SRRM3: variants seen among roughly 807,000 people sequenced by gnomAD.
The protein encoded by SRRM3 is serine/arginine repetitive matrix protein 3.
SRRM3 carries 27 observed loss-of-function variants against 66.2 expected under a neutral mutation model. The ratio of observed to expected loss-of-function variants is 0.41; its 90% CI spans 0.30 to 0.56. The LOEUF is 0.56. Ranked by LOEUF, SRRM3 falls within the 20% of genes least tolerant of loss-of-function variation. The probability of loss-of-function intolerance (pLI) is 0.32; values close to 1 mark genes in which losing one functional copy is unlikely to be tolerated. For missense variants in SRRM3, 918 were observed against 991.9 expected, an observed-to-expected ratio of 0.93 and a Z score of 1.00; for synonymous variants, 391 against 414.9, an observed-to-expected ratio of 0.94 and a Z score of 0.70.
chr7:76,237,431 C>T (rs1193288001), intron 2 of SRRM3, among the ~76,000 whole-genome samples: 2 of 151,850 alleles, frequency 1.3e-5, no homozygotes, highest in Non-Finnish European at 2.9e-5. Context: ...ATAAATTAGC[C>T]AGGCATGGTG....
At chr7:76,259,501 C>T (rs148711024) in intron 3 of SRRM3, among the ~76,000 whole-genome samples, 65 of 151,554 alleles carry the variant, frequency 4.3e-4, no homozygotes, top group Non-Finnish European at 6.9e-4. Context: ...CGCTTGGGCC[C>T]AGAAGTTCAA....
At chr7:76,266,354 T>C (rs1432754309) in intron 10 of SRRM3, among the ~76,000 whole-genome samples, 2 of 116,056 alleles carry the variant, frequency 1.7e-5, no homozygotes, top group African/African-American at 3.6e-5. Context: ...ATATAAATAT[T>C]AATGTATATT....
intron 10 of SRRM3, among the ~76,000 whole-genome samples, chr7:76,266,679 T>A (rs1309586238): frequency 4.4e-5 from 6 of 135,580 alleles, no homozygotes; most frequent in African/African-American, 1.7e-4. Context: ...TTTATATATA[T>A]AATATATATT....
chr7:76,256,077 CTG>C (rs1554607653), intron 3 of SRRM3, among the ~76,000 whole-genome samples: 1 of 152,144 alleles, frequency 6.6e-6, no homozygotes, highest in African/African-American at 2.4e-5. Context: ...AAACCTGTCT[CTG>C]TGAATCTGTT....
intron 3 of SRRM3, among the ~76,000 whole-genome samples, chr7:76,251,524 G>A (rs542847765): frequency 2.0e-5 from 3 of 152,108 alleles, no homozygotes; most frequent in Admixed American, 6.6e-5. Context: ...ACAGGCGCAC[G>A]CTGCCACGCC....
Position 76,285,382 on chromosome 7 carries a change from C to A in SRRM3, c.1734-233C>A. On this transcript the variant is annotated intron_variant, in intron 14 of 14. Coordinates refer to ENST00000611745, the MANE Select transcript of SRRM3 (RefSeq NM_001110199.3). This position sits in a 1 kb window ranked among gnomAD's most constrained non-coding sequence, Gnocchi z 4.1. ...CCCAGCCTCAACAAGTATTTATTAG[C>A]AGGTGTTCGGATCGGGCAGAGACAT... The A allele has an allele frequency of 1.8e-6, 1 of 559,022 alleles. No homozygotes were observed. Among genetic ancestry groups the A allele is most frequent in the African/African-American group, 1.9e-5 (1 of 52,984 alleles). The allele number at this position is 559,022 out of a possible 1,614,324, so 34.6% of individuals were successfully genotyped here. A position where few individuals can be genotyped will look rare whatever the true frequency, so the allele number is the denominator to read the frequency against.
At position 76,253,626 on chromosome 7, in the gene SRRM3, A is replaced by T. The variant is rs149301987; in HGVS notation, c.335+5337A>T. On this transcript the variant is annotated intron_variant, in intron 3 of 14. Coordinates refer to ENST00000611745, the MANE Select transcript of SRRM3 (RefSeq NM_001110199.3). ...ACAGAGCGACACTCCGTCTCAAAAA[A>T]ATTAAAAAAATAAAATAAAAATAAA... Among the ~76,000 whole-genome samples the T allele has an allele frequency of 1.4e-3, 214 of 151,770 alleles. 5 individuals are homozygous for T. The East Asian group carries it at 0.032, about 23-fold the overall frequency.
At chr7:76,210,508 T>C (rs886705088) in intron 1 of SRRM3, among the ~76,000 whole-genome samples, 1 of 152,196 alleles carries the variant, frequency 6.6e-6, no homozygotes, top group Admixed American at 6.5e-5. Flanking sequence ...CACACAGCAG[T>C]AGCTCTTCCC....
chr7:76,271,695 C>G (rs1554610539), intron 11 of SRRM3, among the ~76,000 whole-genome samples: 1 of 152,128 alleles, frequency 6.6e-6, no homozygotes, highest in Non-Finnish European at 1.5e-5. Context: ...TGACTCTGAC[C>G]TCTAGACTCC....
intron 11 of SRRM3, among the ~76,000 whole-genome samples, chr7:76,278,713 T>C (rs1226349456): frequency 6.6e-6 from 1 of 152,188 alleles, no homozygotes; most frequent in Non-Finnish European, 1.5e-5. Context: ...TGGGCAGCTA[T>C]GGCTAGTGTT....
At position 76,282,833 on chromosome 7, in the gene SRRM3, G is replaced by A; in HGVS notation, c.1556G>A (p.Ser519Asn). ...CGCTCTGCGGAGAAGCGGCCCCACAGCCCCAGCCGCTCGCCGTCGCCCAAG... is the reference window on the plus strand; with the variant it reads ...CGCTCTGCGGAGAAGCGGCCCCACAACCCCAGCCGCTCGCCGTCGCCCAAG... ...RSRSAEKRPH[S>N]PSRSPSPKKP... is the part of the protein sequence containing the mutation. Residue 519 changes from serine to asparagine, a missense_variant, in exon 13 of 15, where the codon AGC becomes AAC. By Grantham distance (46) the Ser-to-Asn change is conservative (BLOSUM62 1). Transcript: ENST00000611745. 1 of 1,456,542 alleles carries A rather than the reference G, an allele frequency of 6.9e-7. No individual in the cohort carries two copies. The highest frequency in any genetic ancestry group is 9.0e-7 in the Non-Finnish European group (1 of 1,109,324). 90.2% of individuals were successfully genotyped at this position (1,456,542 alleles called of 1,614,324 possible). A position where few individuals can be genotyped will look rare whatever the true frequency, so the allele number is the denominator to read the frequency against.
chr7:76,213,307 G>A (rs570660365), intron 1 of SRRM3, among the ~76,000 whole-genome samples: 12 of 151,888 alleles, frequency 7.9e-5, no homozygotes, highest in Non-Finnish European at 1.6e-4. Context: ...CACCGTGCCC[G>A]GCTTTACACC....
chr7:76,215,964 AT>A (rs544399520), intron 1 of SRRM3, among the ~76,000 whole-genome samples: 9,188 of 137,344 alleles, frequency 0.067, 621 homozygotes, highest in African/African-American at 0.17. Flanking sequence ...CGCCCAGCTA[AT>A]TTTTTTTTTT....
rs112873033 is a variant in SRRM3 at position 76,207,699 on chromosome 7, CAATA to C, written c.-40+5657_-40+5660del. ...GGAAACAGTGAAACCCCATCTCTAC[CAATA>C]AATAAATAAATAAATAAATAAATAT... On this transcript the variant is annotated intron_variant, in intron 1 of 14. Coordinates refer to ENST00000611745, the MANE Select transcript of SRRM3 (RefSeq NM_001110199.3). 8.6e-3 allele frequency among the ~76,000 whole-genome samples: 1,302 copies of C among 151,248 alleles called. 26 individuals are homozygous for C. Among genetic ancestry groups the C allele is most frequent in the African/African-American group, 0.03 (1,216 of 41,074 alleles).
At chr7:76,229,417 C>T (rs901524975) in intron 1 of SRRM3, among the ~76,000 whole-genome samples, 5 of 152,188 alleles carry the variant, frequency 3.3e-5, no homozygotes, top group Non-Finnish European at 4.4e-5. Flanking sequence ...TAACAAGCCT[C>T]TCAGTCGATT....
At chr7:76,254,891 G>C (rs2117042703) in intron 3 of SRRM3, among the ~76,000 whole-genome samples, 1 of 152,104 alleles carries the variant, frequency 6.6e-6, no homozygotes, top group Admixed American at 6.6e-5. Context: ...AGAGGAGCAT[G>C]GAAAAGAAAA....
intron 1 of SRRM3, among the ~76,000 whole-genome samples, chr7:76,231,302 G>A (rs1007397853): frequency 4.6e-5 from 7 of 152,126 alleles, no homozygotes; most frequent in African/African-American, 1.7e-4. Flanking sequence ...CATCTGCCAC[G>A]CCCCTCTTCA....
intron 11 of SRRM3, chr7:76,267,713 G>A: frequency 2.8e-6 from 1 of 354,534 alleles, no homozygotes; most frequent in Non-Finnish European, 5.0e-6. Flanking sequence ...GAGGGGGGTT[G>A]ACCGCGGGGC....
At position 76,251,404 on chromosome 7, in the gene SRRM3, T is replaced by G. The variant is rs1199994993; in HGVS notation, c.335+3115T>G. Among the ~76,000 whole-genome samples the G allele has an allele frequency of 3.3e-5, 5 of 151,434 alleles. No individual in the cohort carries two copies. In the East Asian group the frequency reaches 9.8e-4, roughly 30 times the overall value. On this transcript the variant is annotated intron_variant, in intron 3 of 14. Transcript: ENST00000611745. ...TTTTTTTTTTTTTTGAGACGGAGTC[T>G]CGCTCTGTCACCCAGGCTGGAGTGC...
Sources: gnomAD v4.1 joint callset for allele counts (sites outside exome capture counted in the v4.1 genomes callset) on GRCh38, gnomAD v4.1.1 for gene constraint, Gnocchi (gnomAD v3.1) non-coding constraint, MANE v1.5 for transcripts, NCBI Gene and HGNC (gene_info 2026-07-23, HGNC 2026-07-21) for gene names.